The following SGMS1 variants were observed in gnomAD, a reference collection of about 807,000 sequenced individuals.
The protein encoded by SGMS1 is phosphatidylcholine:ceramide cholinephosphotransferase 1.
In SGMS1, 13 loss-of-function variants were observed where a neutral mutation model predicts 46.2. The ratio of observed to expected loss-of-function variants is 0.28; its 90% CI spans 0.18 to 0.45. SGMS1 has a LOEUF of 0.45. SGMS1 is among the 20% of genes least tolerant of loss of function. The probability of loss-of-function intolerance (pLI) is 1.00; values close to 1 mark genes in which losing one functional copy is unlikely to be tolerated. For missense variants in SGMS1, 324 were observed against 519.9 expected (o/e 0.62, Z 3.66); for synonymous variants, 203 against 187.8 (o/e 1.08, Z -0.66).
chr10:50,579,616 T>C (rs554901828), intron 2 of SGMS1, among the ~76,000 whole-genome samples: 2 of 152,294 alleles, frequency 1.3e-5, no homozygotes, highest in South Asian at 4.1e-4. Flanking sequence ...AGCTCAGTGA[T>C]TTCTAATCTA....
chr10:50,415,228 G>T (rs1410806612), intron 6 of SGMS1, among the ~76,000 whole-genome samples: 1 of 152,140 alleles, frequency 6.6e-6, no homozygotes, highest in Non-Finnish European at 1.5e-5. Flanking sequence ...GAGGTTAATT[G>T]GACATGAATA....
chr10:50,456,092 T>G (rs1157893991), intron 5 of SGMS1, among the ~76,000 whole-genome samples: 2 of 152,174 alleles, frequency 1.3e-5, no homozygotes, highest in Admixed American at 6.5e-5. Flanking sequence ...AACTTGGAAG[T>G]AATACTGTCT....
At chr10:50,420,115 A>C (rs779232845) in intron 6 of SGMS1, among the ~76,000 whole-genome samples, 4 of 152,200 alleles carry the variant, frequency 2.6e-5, no homozygotes, top group Non-Finnish European at 4.4e-5. Context: ...CTATAGCCTC[A>C]CATTTATCCT....
At chr10:50,334,748 C>T (rs1847688028) in intron 7 of SGMS1, 1 of 152,196 alleles carries the variant, frequency 6.6e-6, no homozygotes, top group Non-Finnish European at 1.5e-5. Flanking sequence ...GGACAAACAT[C>T]CTGGCTTGTG....
At chr10:50,520,903 T>C (rs1265522029) in intron 2 of SGMS1, among the ~76,000 whole-genome samples, 1 of 150,658 alleles carries the variant, frequency 6.6e-6, no homozygotes, top group Admixed American at 6.6e-5. Flanking sequence ...TTTATTTTCT[T>C]TTTTTTTTTC....
At chr10:50,348,261 G>A (rs370533625) in intron 6 of SGMS1, among the ~76,000 whole-genome samples, 20 of 152,160 alleles carry the variant, frequency 1.3e-4, no homozygotes, top group Non-Finnish European at 2.2e-4. Flanking sequence ...ATAAGACAAG[G>A]ATGCCCTCTC....
chr10:50,398,069 T>C (rs180912127), intron 6 of SGMS1, among the ~76,000 whole-genome samples: 1 of 152,348 alleles, frequency 6.6e-6, no homozygotes, highest in Admixed American at 6.5e-5. Context: ...GATTTTAGTA[T>C]ATAGTTAATA....
intron 2 of SGMS1, among the ~76,000 whole-genome samples, chr10:50,520,260 T>C (rs574669186): frequency 1.4e-4 from 21 of 152,144 alleles, no homozygotes; most frequent in African/African-American, 4.8e-4. Flanking sequence ...TATGGTGGTA[T>C]TTACCTGTGG....
intron 1 of SGMS1, among the ~76,000 whole-genome samples, chr10:50,600,654 T>C (rs1241149312): frequency 1.3e-5 from 2 of 152,256 alleles, no homozygotes; most frequent in African/African-American, 2.4e-5. Context: ...AATGCTTCTG[T>C]TACCCAGCTT....
intron 6 of SGMS1, among the ~76,000 whole-genome samples, chr10:50,425,245 A>T (rs1849309748): frequency 6.6e-6 from 1 of 152,234 alleles, no homozygotes; most frequent in Non-Finnish European, 1.5e-5. Flanking sequence ...CCATTACTGC[A>T]AATATACTCA....
rs74396643 is a variant in SGMS1, at chr10:50,321,090, C to T, written c.741+6115G>A. ...AAGCTTCTTGACTATCAAATGAAATCACATCAACAATCTGCCTGTCTCACA... is the reference window on the plus strand; with the variant it reads ...AAGCTTCTTGACTATCAAATGAAATTACATCAACAATCTGCCTGTCTCACA... On this transcript the variant is annotated intron_variant, in intron 8 of 10. Coordinates refer to ENST00000361781, the MANE Select transcript of SGMS1 (RefSeq NM_147156.4). Among the ~76,000 whole-genome samples, 2,317 of 152,318 alleles carry T rather than the reference C, an allele frequency of 0.015. 144 individuals carry two copies. The East Asian group carries it at 0.2, about 13-fold the overall frequency.
rs144591101 is a variant in SGMS1, at chr10:50,434,560, C to T, written c.-312-1004G>A. ...TTACCCAAAGCATAAAGGGACAGGG[C>T]GGTGTTACGGAGATTAAGAAAGGAG... On this transcript the variant is annotated intron_variant, in intron 5 of 10. Transcript: ENST00000361781. Among the ~76,000 whole-genome samples the T allele has an allele frequency of 1.9e-4, 29 of 152,032 alleles. No homozygotes were observed. In the East Asian group the frequency reaches 2.3e-3, roughly 12 times the overall value.
intron 8 of SGMS1, among the ~76,000 whole-genome samples, chr10:50,315,527 C>T (rs1157706711): frequency 3.9e-5 from 6 of 152,192 alleles, no homozygotes; most frequent in Admixed American, 2.6e-4. Flanking sequence ...TCTTTCATAC[C>T]TTGCATTTTG....
chr10:50,501,710 G>A (rs1837663088), intron 3 of SGMS1, among the ~76,000 whole-genome samples: 1 of 152,086 alleles, frequency 6.6e-6, no homozygotes, highest in South Asian at 2.1e-4. Flanking sequence ...GTCCTGATAG[G>A]GCGTTCTGTC....
At chr10:50,601,528 T>G (rs193271751) in intron 1 of SGMS1, among the ~76,000 whole-genome samples, 4 of 152,278 alleles carry the variant, frequency 2.6e-5, no homozygotes, top group Admixed American at 2.6e-4. Flanking sequence ...GTAGCCAAAG[T>G]GAGAACATAC....
chr10:50,467,581 A>T (rs534558441), intron 3 of SGMS1, among the ~76,000 whole-genome samples: 13 of 152,282 alleles, frequency 8.5e-5, no homozygotes, highest in Admixed American at 3.3e-4. Context: ...CCTATTTTTT[A>T]AAAAATTAGT....
At chr10:50,541,783 A>G (rs1439006273) in intron 2 of SGMS1, among the ~76,000 whole-genome samples, 2 of 152,194 alleles carry the variant, frequency 1.3e-5, no homozygotes, top group Non-Finnish European at 2.9e-5. Context: ...AGAAGTTACA[A>G]TTAGCACCAA....
chr10:50,439,431 T>G (rs1849514566), intron 5 of SGMS1, among the ~76,000 whole-genome samples: 2 of 152,268 alleles, frequency 1.3e-5, no homozygotes, highest in East Asian at 3.9e-4. Flanking sequence ...AGTTGACAGA[T>G]GATGACACAT....
At chr10:50,336,164 G>A (rs548298423) in intron 7 of SGMS1, 9 of 152,318 alleles carry the variant, frequency 5.9e-5, no homozygotes, top group African/African-American at 1.9e-4. Flanking sequence ...GAGGCACAGC[G>A]AGGCCTGCAA....
Sources: allele counts gnomAD v4.1 joint callset (sites outside exome capture counted in the v4.1 genomes callset), GRCh38; gene constraint gnomAD v4.1.1; transcripts MANE v1.5; gene names NCBI Gene and HGNC (gene_info 2026-07-23, HGNC 2026-07-21).